KLHL15: variants seen among roughly 807,000 people sequenced by gnomAD.
KLHL15 encodes the protein kelch like family member 15.
In KLHL15, 1 loss-of-function variant was observed where a neutral mutation model predicts 29.3. The ratio of observed to expected loss-of-function variants is 0.03; its 90% CI spans 0.01 to 0.16. The LOEUF is 0.16. Among genes scored for constraint, KLHL15 ranks in the 10% least tolerant of loss-of-function variants. The probability of loss-of-function intolerance (pLI) is 1.00; values close to 1 mark genes in which losing one functional copy is unlikely to be tolerated. For missense variants in KLHL15, 215 were observed against 478.5 expected (o/e 0.45, Z 5.14); for synonymous variants, 212 against 184.5 (o/e 1.15, Z -1.21).
chrX:24,001,500 T>C (rs1309453002), intron 3 of KLHL15, among the ~76,000 whole-genome samples: 1 of 111,110 alleles, frequency 9.0e-6, no homozygotes, highest in East Asian at 2.8e-4. Context: ...AAATCTTTTA[T>C]GTACAAAAAA....
intron 3 of KLHL15, among the ~76,000 whole-genome samples, chrX:23,989,587 G>A (rs1332926586): frequency 9.0e-6 from 1 of 111,574 alleles, no homozygotes; most frequent in African/African-American, 3.3e-5. Context: ...GCGGGTATGA[G>A]GACAAGTACA....
At chrX:24,021,919 A>G (rs779203975) in intron 2 of KLHL15, among the ~76,000 whole-genome samples, 2 of 111,854 alleles carry the variant, frequency 1.8e-5, no homozygotes, top group Non-Finnish European at 3.8e-5. Context: ...CTAAAGATTC[A>G]TTCTCCTCAC....
At chrX:24,019,022 T>C (rs900958259) in intron 2 of KLHL15, among the ~76,000 whole-genome samples, 4 of 111,440 alleles carry the variant, frequency 3.6e-5, no homozygotes, top group Admixed American at 2.9e-4. Flanking sequence ...AAATAAAGAA[T>C]AGTTATTTGT....
intron 3 of KLHL15, among the ~76,000 whole-genome samples, chrX:23,990,603 A>G (rs1006023129): frequency 1.8e-5 from 2 of 111,463 alleles, no homozygotes; most frequent in Non-Finnish European, 3.8e-5. Flanking sequence ...TGATGGAAAG[A>G]GTGTTGATAT....
At chrX:24,021,911 A>G (rs1275814548) in intron 2 of KLHL15, among the ~76,000 whole-genome samples, 3 of 111,798 alleles carry the variant, frequency 2.7e-5, no homozygotes, top group East Asian at 5.6e-4. Context: ...CCTCTAAGCT[A>G]AAGATTCATT....
At chrX:24,013,778 C>A (rs1261336398) in intron 2 of KLHL15, among the ~76,000 whole-genome samples, 2 of 109,440 alleles carry the variant, frequency 1.8e-5, no homozygotes, top group African/African-American at 6.6e-5. Context: ...GAGGCCAAGG[C>A]GGGAGGATTG....
chrX:24,021,167 G>A (rs1267571644), intron 2 of KLHL15, among the ~76,000 whole-genome samples: 2 of 111,757 alleles, frequency 1.8e-5, no homozygotes, highest in Non-Finnish European at 3.8e-5. Flanking sequence ...CCTTGGCAGA[G>A]ATGAACTATG....
chrX:23,995,240 C>T (rs1296483961), intron 3 of KLHL15, among the ~76,000 whole-genome samples: 1 of 110,487 alleles, frequency 9.1e-6, no homozygotes, highest in African/African-American at 3.3e-5. Flanking sequence ...AACCCAGTCT[C>T]TAATAAAAAT....
At chrX:24,025,587 T>G (rs1488965904) in intron 1 of KLHL15, among the ~76,000 whole-genome samples, 1 of 108,125 alleles carries the variant, frequency 9.2e-6, no homozygotes, top group African/African-American at 3.3e-5. Flanking sequence ...CGGCCCCTGC[T>G]GGCGCCCCGA....
In KLHL15 at chrX:23,987,810, A is replaced by G. The variant is rs964399585; in HGVS notation, c.*111T>C. 3 of 730,725 alleles carry G rather than the reference A, an allele frequency of 4.1e-6. No individual in the cohort carries two copies. Among genetic ancestry groups the G allele is most frequent in the Middle Eastern group, 4.0e-4 (1 of 2,528 alleles). The allele number at this position is 730,725 out of a possible 1,213,427, so 60.2% of individuals were successfully genotyped here. ...GAATGAAAAATTCTTACAATGTTAG[A>G]CCAATGGCTTTGATAGTAAAACTGG... On this transcript the variant is annotated 3_prime_UTR_variant, in exon 4 of 4. Transcript: ENST00000328046.
intron 1 of KLHL15, 92 bp from the exon 2 acceptor site, chrX:24,025,150 C>T (rs1929896160): frequency 6.8e-6 from 2 of 292,053 alleles, no homozygotes; most frequent in Non-Finnish European, 1.2e-5. Flanking sequence ...ACCTTGCCAA[C>T]GCCGGGGGCC....
intron 2 of KLHL15, among the ~76,000 whole-genome samples, chrX:24,015,011 C>A (rs1277057271): frequency 1.8e-5 from 2 of 112,053 alleles, no homozygotes; most frequent in East Asian, 5.6e-4. Context: ...ACAGGCAGTG[C>A]TCCTGAACGC....
At chrX:24,003,645 ATATG>A (rs1219179467) in intron 3 of KLHL15, among the ~76,000 whole-genome samples, 13 of 80,234 alleles carry the variant, frequency 1.6e-4, no homozygotes, top group Admixed American at 9.1e-4. Flanking sequence ...TAGCATAAAT[ATATG>A]TGTGTGTGTG....
At chrX:23,994,320 G>C (rs1004008139) in intron 3 of KLHL15, among the ~76,000 whole-genome samples, 1 of 111,916 alleles carries the variant, frequency 8.9e-6, no homozygotes. Flanking sequence ...GTAAGAAAAA[G>C]TTCTGTAGTA....
At chrX:24,025,700 C>CGGGAGCGGGTGT (rs1419735863) in intron 1 of KLHL15, among the ~76,000 whole-genome samples, 1 of 43,298 alleles carries the variant, frequency 2.3e-5, no homozygotes, top group Non-Finnish European at 4.3e-5. Context: ...GCCACGGGAG[C>CGGGAGCGGGTGT]GGGAGCGGGT....
chrX:24,000,763 A>T (rs750441737), intron 3 of KLHL15, among the ~76,000 whole-genome samples: 1 of 112,301 alleles, frequency 8.9e-6, no homozygotes, highest in Non-Finnish European at 1.9e-5. Context: ...ACATGTTCCA[A>T]TGCCTAAGTG....
chrX:23,988,596 A>G lies in KLHL15; in HGVS notation c.1140T>C (p.Phe380=). 1 of 1,211,544 alleles carries G rather than the reference A, an allele frequency of 8.3e-7. No homozygotes were observed. The highest frequency in any genetic ancestry group is 1.8e-5 in the South Asian group (1 of 56,861). ...TGGTTCTGCCTGCTACGGCGTAAATAAACTTCCCAATAACACCTACAGCAA... is the reference window on the plus strand; with the variant it reads ...TGGTTCTGCCTGCTACGGCGTAAATGAACTTCCCAATAACACCTACAGCAA... ...SEFAVGVIGK[F]IYAVAGRTRD... is the part of the protein sequence containing the mutation. The change falls in exon 4 of 4, where the codon TTT becomes TTC. Residue 380 remains phenylalanine, a synonymous_variant. Coordinates refer to ENST00000328046, the MANE Select transcript of KLHL15 (RefSeq NM_030624.3).
chrX:24,006,154 G>A lies in KLHL15; in HGVS notation c.540C>T (p.Leu180=). Residue 180 remains leucine, a synonymous_variant, in exon 3 of 4, where the codon CTC becomes CTT. Transcript: ENST00000328046. ...DFLSYLSFEK[L]MSYLDNDHLS... is the part of the protein sequence containing the mutation. ...GATGATCATTATCCAAGTAAGACAT[G>A]AGCTTCTCAAAGCTCAGATAGGACA... The A allele has an allele frequency of 8.3e-7, 1 of 1,211,717 alleles. No homozygotes were observed. Among genetic ancestry groups the A allele is most frequent in the South Asian group, 1.8e-5 (1 of 56,979 alleles).
rs1354201924 is a variant in KLHL15 at position 23,984,070 on chromosome X, A to G, written c.*3851T>C. The G allele has an allele frequency of 8.9e-6, 1 of 111,968 alleles. No individual in the cohort carries two copies. Among genetic ancestry groups the G allele is most frequent in the Non-Finnish European group, 1.9e-5 (1 of 53,184 alleles). 9.2% of individuals were successfully genotyped at this position (111,968 alleles called of 1,213,427 possible). The stretch of plus-strand genomic sequence containing the variant: ...AATCACCTCACTGGACCATTCCTTC[A>G]GAAAGCAAACACCTAATCCTTACTA... On this transcript the variant is annotated 3_prime_UTR_variant, in exon 4 of 4. Coordinates refer to ENST00000328046, the MANE Select transcript of KLHL15 (RefSeq NM_030624.3).
Sources: allele counts gnomAD v4.1 joint callset (sites outside exome capture counted in the v4.1 genomes callset), GRCh38; gene constraint gnomAD v4.1.1; transcripts MANE v1.5; gene names NCBI Gene and HGNC (gene_info 2026-07-23, HGNC 2026-07-21).